Variants in ATG4B observed in about 807,000 individuals in gnomAD.
The protein encoded by ATG4B is cysteine protease ATG4B.
A neutral mutation model predicts 56.6 loss-of-function variants in ATG4B; 29 were observed. That is an observed-to-expected ratio of 0.51 (90% CI 0.38 to 0.70). The LOEUF is 0.70. ATG4B is among the 30% of genes least tolerant of loss of function. The probability of loss-of-function intolerance (pLI) is 0.00; values close to 1 mark genes in which losing one functional copy is unlikely to be tolerated. For missense variants in ATG4B, 461 were observed against 515.5 expected (o/e 0.89, Z 1.02); for synonymous variants, 224 against 206.1 (o/e 1.09, Z -0.74).
At chr2:241,654,172 C>T (rs574040129) in intron 4 of ATG4B, among the ~76,000 whole-genome samples, 1 of 152,034 alleles carries the variant, frequency 6.6e-6, no homozygotes, top group South Asian at 2.1e-4. Flanking sequence ...CCTGTAATCC[C>T]AGCACTTTGG....
chr2:241,672,173 A>G lies in ATG4B; in HGVS notation c.1109-18A>G, dbSNP rs758053948. On this transcript the variant is annotated intron_variant, in intron 12 of 12. Transcript: ENST00000404914. ...GCCCACCCAAGATGCCTGATGCGCT[A>G]TGTCCTGTTCCTTCTAGATTCTTCT... 1.3e-5 allele frequency: 21 copies of G among 1,566,902 alleles called. No individual in the cohort carries two copies. The highest frequency in any genetic ancestry group is 5.7e-5 in the Admixed American group (3 of 52,514).
intron 5 of ATG4B, chr2:241,654,891 A>C: frequency 1.7e-6 from 1 of 579,610 alleles, no homozygotes; most frequent in Non-Finnish European, 3.1e-6. Context: ...TGCGGCTTGC[A>C]GTGCCTGGTG....
chr2:241,654,932 C>G, intron 5 of ATG4B: 1 of 570,746 alleles, frequency 1.8e-6, no homozygotes, highest in Non-Finnish European at 3.1e-6. Flanking sequence ...TTGGCCTCGC[C>G]CCATCAGTGA....
At chr2:241,667,963 G>T (rs1376495375) in intron 8 of ATG4B, 180 bp from the exon 9 acceptor site, 3 of 588,492 alleles carry the variant, frequency 5.1e-6, no homozygotes, top group Non-Finnish European at 8.9e-6. Flanking sequence ...GGTTTCTTGT[G>T]CCTGTGGGAT....
At position 241,673,853 on chromosome 2, in the gene ATG4B, AC is replaced by A; in HGVS notation, c.*1590del. On this transcript the variant is annotated 3_prime_UTR_variant, in exon 13 of 13. Transcript: ENST00000404914. The stretch of plus-strand genomic sequence containing the variant: ...GGCAAATAATAAGTTTCAGTAGAAA[AC>A]AAACCTTGTGTCTATTTTTTCCTTA... The A allele has an allele frequency of 2.4e-6, 1 of 409,452 alleles. No individual in the cohort carries two copies. 25.4% of individuals were successfully genotyped at this position (409,452 alleles called of 1,614,324 possible).
Position 241,668,421 on chromosome 2 carries a change from ACCT to A in ATG4B, c.812-115_812-113del, listed in dbSNP as rs1252056879. The A allele has an allele frequency of 2.7e-6, 4 of 1,460,714 alleles. No individual in the cohort carries two copies. Among genetic ancestry groups the A allele is most frequent in the Non-Finnish European group, 3.7e-6 (4 of 1,075,014 alleles). The allele number at this position is 1,460,714 out of a possible 1,614,324, so 90.5% of individuals were successfully genotyped here. ...GTCTGGTGCCCTCGGCTCCCTCCCC[ACCT>A]CCTGCCCACTGCTTCTCAGTGTGAT... On this transcript the variant is annotated intron_variant, in intron 9 of 12. Coordinates refer to ENST00000404914, the MANE Select transcript of ATG4B (RefSeq NM_013325.5). The surrounding 1 kb of genome is among the most constrained non-coding windows in gnomAD (Gnocchi z 4.2).
Position 241,672,935 on chromosome 2 carries a change from G to A in ATG4B, c.*671G>A. The A allele has an allele frequency of 6.1e-6, 1 of 163,802 alleles. No individual in the cohort carries two copies. The highest frequency in any genetic ancestry group is 5.7e-5 in the Admixed American group (1 of 17,646). The allele number at this position is 163,802 out of a possible 1,614,324, so 10.1% of individuals were successfully genotyped here. A position where few individuals can be genotyped will look rare whatever the true frequency, so the allele number is the denominator to read the frequency against. On this transcript the variant is annotated 3_prime_UTR_variant, in exon 13 of 13. Transcript: ENST00000404914. Reference sequence around the variant, plus strand: ...CACAGGACACAGCGTGGGCGGCCTGGGCAGAAGGGCGGCTGGCTGTCCTGG... The same window carrying A: ...CACAGGACACAGCGTGGGCGGCCTGAGCAGAAGGGCGGCTGGCTGTCCTGG...
chr2:241,659,345 G>C, intron 7 of ATG4B, 158 bp downstream of exon 7: 1 of 717,478 alleles, frequency 1.4e-6, no homozygotes, highest in Non-Finnish European at 2.5e-6. Context: ...CAGATGCACG[G>C]TGGCCTCGCT....
chr2:241,672,704 C>T lies in ATG4B; in HGVS notation c.*440C>T, dbSNP rs979344049. 1.1e-4 allele frequency: 20 copies of T among 188,308 alleles called. No homozygotes were observed. Among genetic ancestry groups the T allele is most frequent in the East Asian group, 4.1e-4 (3 of 7,302 alleles). 11.7% of individuals were successfully genotyped at this position (188,308 alleles called of 1,614,324 possible). A position where few individuals can be genotyped will look rare whatever the true frequency, so the allele number is the denominator to read the frequency against. ...CCTGTGCAGGCTGGCGTGAGAGGAG[C>T]GGCAGCCACACTGCGGCCCCACGCC... is the stretch of plus-strand genomic sequence containing the variant. On this transcript the variant is annotated 3_prime_UTR_variant, in exon 13 of 13. Transcript: ENST00000404914.
At chr2:241,654,999 G>T in intron 5 of ATG4B, 1 of 577,496 alleles carries the variant, frequency 1.7e-6, no homozygotes, top group East Asian at 2.9e-5. Context: ...TTTCTTGCAA[G>T]CAAGGCCGGC....
intron 7 of ATG4B, among the ~76,000 whole-genome samples, chr2:241,664,645 C>T (rs1414803398): frequency 1.3e-5 from 2 of 152,060 alleles, no homozygotes; most frequent in Non-Finnish European, 2.9e-5. Context: ...TTGAGACCAA[C>T]CTGGACAACT....
In ATG4B at chr2:241,673,444, C is replaced by T. The variant is rs1374708334; in HGVS notation, c.*1180C>T. On this transcript the variant is annotated 3_prime_UTR_variant, in exon 13 of 13. Coordinates refer to ENST00000404914, the MANE Select transcript of ATG4B (RefSeq NM_013325.5). The stretch of plus-strand genomic sequence containing the variant: ...CTTTTCTCATGAGCAGCTACTGCGG[C>T]GTTGGCAGGACTCGCTGCTGCTGCT... 2.8e-5 allele frequency: 11 copies of T among 393,756 alleles called. No homozygotes were observed. The highest frequency in any genetic ancestry group is 4.1e-5 in the Non-Finnish European group (8 of 193,224). 24.4% of individuals were successfully genotyped at this position (393,756 alleles called of 1,614,324 possible).
intron 1 of ATG4B, among the ~76,000 whole-genome samples, chr2:241,646,223 T>A (rs2068055874): frequency 1.3e-5 from 2 of 152,354 alleles, no homozygotes; most frequent in South Asian, 4.1e-4. Context: ...GCGTCCGTGA[T>A]GAAAATCCCT....
rs1356653833 is a variant in ATG4B at position 241,668,590 on chromosome 2, C to T, written c.862C>T (p.Pro288Ser). Reference sequence around the variant, plus strand: ...CCACACCACGCAGCCAGCCGTGGAGCCCACTGATGGCTGCTTCATCCCGGA... The same window carrying T: ...CCACACCACGCAGCCAGCCGTGGAGTCCACTGATGGCTGCTTCATCCCGGA... The part of the protein sequence containing the change: ...DPHTTQPAVE[P>S]TDGCFIPDES... The change falls in exon 10 of 13, where the codon CCC (proline) becomes TCC (serine). Residue 288 changes from proline (P) to serine (S), a missense_variant. Pro to Ser is a moderately conservative substitution (Grantham distance 74). Transcript: ENST00000404914. The surrounding 1 kb of genome is among the most constrained non-coding windows in gnomAD (Gnocchi z 4.2). 1.2e-5 allele frequency: 19 copies of T among 1,606,340 alleles called. No individual in the cohort carries two copies. The highest frequency in any genetic ancestry group is 1.6e-5 in the Non-Finnish European group (19 of 1,177,556).
intron 10 of ATG4B, 52 bp from the exon 11 acceptor site, chr2:241,670,674 A>G: frequency 6.6e-7 from 1 of 1,521,408 alleles, no homozygotes; most frequent in Non-Finnish European, 9.0e-7. Flanking sequence ...CCCACCTCTT[A>G]GCCGACTGCA....
In ATG4B at chr2:241,651,225, T is replaced by TTG. The variant is rs758964053; in HGVS notation, c.113-27_113-26dup. 4.6e-5 allele frequency: 72 copies of TTG among 1,557,144 alleles called. No homozygotes were observed. Among genetic ancestry groups the TTG allele is most frequent in the Admixed American group, 2.5e-4 (13 of 53,030 alleles). ...ACTTGTGACTTGCAAACTTAAGGCG[T>TTG]TGTGTGTGTGTGTTTTTTTTCTTTT... On this transcript the variant is annotated intron_variant, in intron 2 of 12. Transcript: ENST00000404914. This position sits in a 1 kb window ranked among gnomAD's most constrained non-coding sequence, Gnocchi z 4.1.
At chr2:241,655,409 C>T in intron 6 of ATG4B, 66 bp downstream of exon 6, 1 of 1,489,578 alleles carries the variant, frequency 6.7e-7, no homozygotes, top group Non-Finnish European at 9.2e-7. Flanking sequence ...TTAAATTCTC[C>T]TTGAGTCTTC....
chr2:241,657,315 C>T (rs568937485), intron 6 of ATG4B, among the ~76,000 whole-genome samples: 1 of 130,594 alleles, frequency 7.7e-6, no homozygotes. Context: ...ATTTTTTTTC[C>T]GAGACAGAGT....
intron 7 of ATG4B, among the ~76,000 whole-genome samples, chr2:241,660,608 AAG>A (rs1395911121): frequency 1.3e-5 from 2 of 152,244 alleles, no homozygotes; most frequent in Non-Finnish European, 2.9e-5. Flanking sequence ...AGTACAAAGA[AAG>A]AGAAAAATTA....
Sources: gnomAD v4.1 joint callset for allele counts (sites outside exome capture counted in the v4.1 genomes callset) on GRCh38, gnomAD v4.1.1 for gene constraint, Gnocchi (gnomAD v3.1) non-coding constraint, MANE v1.5 for transcripts, NCBI Gene and HGNC (gene_info 2026-07-23, HGNC 2026-07-21) for gene names.